The following SBNO2 variants were observed in gnomAD, a reference collection of about 807,000 sequenced individuals.
SBNO2 encodes protein strawberry notch homolog 2.
In SBNO2, 89 loss-of-function variants were observed where a neutral mutation model predicts 146.3. That is an observed-to-expected ratio of 0.61 (90% CI 0.51 to 0.73). The LOEUF is 0.73. Ranked by LOEUF, SBNO2 falls within the 30% of genes least tolerant of loss-of-function variation. SBNO2 has a pLI of 0.00. For missense variants in SBNO2, 2,092 were observed against 2,003.7 expected, an observed-to-expected ratio of 1.04 and a Z score of -0.84; for synonymous variants, 1,147 against 892.6, an observed-to-expected ratio of 1.29 and a Z score of -5.08.
intron 1 of SBNO2, among the ~76,000 whole-genome samples, chr19:1,160,948 C>G (rs1483580379): frequency 6.6e-6 from 1 of 150,890 alleles, no homozygotes; most frequent in East Asian, 2.0e-4. Flanking sequence ...GACGGCCCCT[C>G]CCAGGGTGGG....
rs1246888935 is a variant in SBNO2 at position 1,157,489 on chromosome 19, A to G, written c.-126-3087T>C. 6.7e-6 allele frequency among the ~76,000 whole-genome samples: 1 copy of G among 149,654 alleles called. No homozygotes were observed. The highest frequency in any genetic ancestry group is 2.4e-5 in the African/African-American group (1 of 40,910). On this transcript the variant is annotated intron_variant, in intron 1 of 31. Transcript: ENST00000361757. This position sits in a 1 kb window ranked among gnomAD's most constrained non-coding sequence, Gnocchi z 6.8. Reference sequence around the variant, plus strand: ...AGAGCCACGGGCCAGCCAAACGTCCAGCGGGCAGCAGAGCGTGTCCCCTGC... The same window carrying G: ...AGAGCCACGGGCCAGCCAAACGTCCGGCGGGCAGCAGAGCGTGTCCCCTGC...
At chr19:1,171,972 CTG>C (rs956117694) in intron 1 of SBNO2, among the ~76,000 whole-genome samples, 1 of 152,200 alleles carries the variant, frequency 6.6e-6, no homozygotes, top group African/African-American at 2.4e-5. Flanking sequence ...CCAAAGCAAA[CTG>C]AGAGTGAATG....
chr19:1,122,054 C>T (rs2079906467), intron 11 of SBNO2, 85 bp downstream of exon 11: 4 of 941,258 alleles, frequency 4.2e-6, no homozygotes, highest in Admixed American at 4.3e-5. Flanking sequence ...CTGACTCCCA[C>T]CCCTCCTCTC....
At chr19:1,162,126 G>A (rs2080353320) in intron 1 of SBNO2, among the ~76,000 whole-genome samples, 1 of 134,350 alleles carries the variant, frequency 7.4e-6, no homozygotes, top group Non-Finnish European at 1.6e-5. Context: ...CTAGACGGGA[G>A]CAGGGATGGG....
In SBNO2 at chr19:1,126,936, C is replaced by A. The variant is rs527417769; in HGVS notation, c.441+668G>T. On this transcript the variant is annotated intron_variant, in intron 5 of 31. Coordinates refer to ENST00000361757, the MANE Select transcript of SBNO2 (RefSeq NM_014963.3). The surrounding 1 kb of genome is among the most constrained non-coding windows in gnomAD (Gnocchi z 4.4). ...CCCGAAGAACCTGGGGGCCCTGCTG[C>A]CCTACAACCCCTGCTCTAGGCCTGG... 6.6e-6 allele frequency among the ~76,000 whole-genome samples: 1 copy of A among 152,184 alleles called. No individual in the cohort carries two copies. Among genetic ancestry groups the A allele is most frequent in the African/African-American group, 2.4e-5 (1 of 41,440 alleles).
rs1340972557 is a variant in SBNO2, at chr19:1,157,624, C to T, written c.-126-3222G>A. 6.6e-6 allele frequency among the ~76,000 whole-genome samples: 1 copy of T among 152,216 alleles called. No homozygotes were observed. Among genetic ancestry groups the T allele is most frequent in the Non-Finnish European group, 1.5e-5 (1 of 68,036 alleles). On this transcript the variant is annotated intron_variant, in intron 1 of 31. Transcript: ENST00000361757. The surrounding 1 kb of genome is among the most constrained non-coding windows in gnomAD (Gnocchi z 6.8). ...CCTTGGGAGGGGGCCCGCGCTTTAT[C>T]AGCACGCTGACACCCAGAGGGGATG...
At position 1,157,360 on chromosome 19, in the gene SBNO2, G is replaced by A. The variant is rs1181802119; in HGVS notation, c.-126-2958C>T. Among the ~76,000 whole-genome samples, 1 of 143,748 alleles carries A rather than the reference G, an allele frequency of 7.0e-6. No individual in the cohort carries two copies. Among genetic ancestry groups the A allele is most frequent in the Non-Finnish European group, 1.5e-5 (1 of 65,080 alleles). The allele number at this position is 143,748 out of a possible 152,430, so 94.3% of individuals were successfully genotyped here. ...GCCCCGGAGACGCTCTCCCCACGCG[G>A]CCCCGGAGACCCTCTGCCACGCAGC... On this transcript the variant is annotated intron_variant, in intron 1 of 31. Transcript: ENST00000361757. This position sits in a 1 kb window ranked among gnomAD's most constrained non-coding sequence, Gnocchi z 6.8.
rs2080122622 is a variant in SBNO2 at position 1,140,266 on chromosome 19, C to G, written c.279+7043G>C. On this transcript the variant is annotated intron_variant, in intron 4 of 31. Coordinates refer to ENST00000361757, the MANE Select transcript of SBNO2 (RefSeq NM_014963.3). This position sits in a 1 kb window ranked among gnomAD's most constrained non-coding sequence, Gnocchi z 4.4. ...AGTGAGCCGAGGTCACGCCACTGCA[C>G]TCCAGCCTGGGCGACAGAGCGAGAT... 6.6e-6 allele frequency among the ~76,000 whole-genome samples: 1 copy of G among 151,692 alleles called. No homozygotes were observed. The highest frequency in any genetic ancestry group is 1.5e-5 in the Non-Finnish European group (1 of 67,930).
In SBNO2 at chr19:1,174,218, T is replaced by G. The variant is rs1297069636; in HGVS notation, c.-173A>C. The stretch of plus-strand genomic sequence containing the variant: ...GCGCGGAGCCCGCGGCGCCTGTTTC[T>G]CCGAGCCTCGCAGCTGCCGCCGCTC... On this transcript the variant is annotated 5_prime_UTR_variant, in exon 1 of 32. Coordinates refer to ENST00000361757, the MANE Select transcript of SBNO2 (RefSeq NM_014963.3). 6.6e-6 allele frequency: 1 copy of G among 151,420 alleles called. No individual in the cohort carries two copies. The highest frequency in any genetic ancestry group is 2.4e-5 in the African/African-American group (1 of 41,146). 9.4% of individuals were successfully genotyped at this position (151,420 alleles called of 1,614,324 possible). A position where few individuals can be genotyped will look rare whatever the true frequency, so the allele number is the denominator to read the frequency against.
At chr19:1,147,163 C>A (rs1460329792) in intron 4 of SBNO2, 146 bp downstream of exon 4, 2 of 581,228 alleles carry the variant, frequency 3.4e-6, no homozygotes, top group Non-Finnish European at 6.0e-6. Context: ...CTCCTACTGC[C>A]CCACCGTAAA....
chr19:1,117,439 T>C lies in SBNO2; in HGVS notation c.1588A>G (p.Lys530Glu). 1.9e-6 allele frequency: 3 copies of C among 1,590,032 alleles called. No homozygotes were observed. Among genetic ancestry groups the C allele is most frequent in the Non-Finnish European group, 2.6e-6 (3 of 1,169,858 alleles). ...AADWIGLESR[K>E]SLWGQFWSAH... ...GACCAGAACTGGCCCCACAGGGACT[T>C]GCGCGACTCCAGGCCGATCCAGTCG... Residue 530 changes from lysine (K) to glutamate (E), a missense_variant, in exon 15 of 32, where the codon AAG becomes GAG. Physicochemically the swap from Lys to Glu is moderately conservative, Grantham distance 56 (BLOSUM62 1). Coordinates refer to ENST00000361757, the MANE Select transcript of SBNO2 (RefSeq NM_014963.3).
Position 1,116,826 on chromosome 19 carries a change from T to C in SBNO2, c.1802+3A>G. On this transcript the variant is annotated splice_donor_region_variant and intron_variant, in intron 16 of 31. Transcript: ENST00000361757. ...ACAGTCCTGTCCCCACCGTGACACTTACTCAGCGGCCGAGACGAAGCAGTT... is the reference window on the plus strand; with the variant it reads ...ACAGTCCTGTCCCCACCGTGACACTCACTCAGCGGCCGAGACGAAGCAGTT... 1.3e-6 allele frequency: 2 copies of C among 1,584,998 alleles called. No homozygotes were observed. Among genetic ancestry groups the C allele is most frequent in the Non-Finnish European group, 1.7e-6 (2 of 1,166,832 alleles).
chr19:1,142,969 A>C (rs778307196), intron 4 of SBNO2, among the ~76,000 whole-genome samples: 7 of 152,002 alleles, frequency 4.6e-5, no homozygotes, highest in Non-Finnish European at 7.4e-5. Flanking sequence ...GGTCTCCAGA[A>C]AAAAAAGTCA....
chr19:1,165,882 TCCCAGAC>T (rs1459579189), intron 1 of SBNO2, among the ~76,000 whole-genome samples: 4 of 16,044 alleles, frequency 2.5e-4, no homozygotes, highest in African/African-American at 8.5e-4. Context: ...AGACCCCAGA[TCCCAGAC>T]CCCAGATCTC....
In SBNO2 at chr19:1,109,854, G is replaced by C; in HGVS notation, c.3029-77C>G. ...GGGGCCAGGGTCAGTCCCGTAGCCG[G>C]GGCGCACCCTAGAGACGACCCCCCG... On this transcript the variant is annotated intron_variant, in intron 26 of 31. Transcript: ENST00000361757. The surrounding 1 kb of genome is among the most constrained non-coding windows in gnomAD (Gnocchi z 4.2). 8.8e-7 allele frequency: 1 copy of C among 1,136,326 alleles called. No homozygotes were observed. The highest frequency in any genetic ancestry group is 1.3e-6 in the Non-Finnish European group (1 of 795,226). The allele number at this position is 1,136,326 out of a possible 1,614,324, so 70.4% of individuals were successfully genotyped here. A position where few individuals can be genotyped will look rare whatever the true frequency, so the allele number is the denominator to read the frequency against.
intron 1 of SBNO2, among the ~76,000 whole-genome samples, chr19:1,155,845 T>C (rs1232660300): frequency 1.3e-5 from 2 of 152,142 alleles, no homozygotes; most frequent in Non-Finnish European, 2.9e-5. Flanking sequence ...ACCCCCTGCC[T>C]TGGGGCTCAG....
At chr19:1,171,269 C>T (rs918774125) in intron 1 of SBNO2, among the ~76,000 whole-genome samples, 1 of 152,030 alleles carries the variant, frequency 6.6e-6, no homozygotes, top group Admixed American at 6.5e-5. Flanking sequence ...ACACAGAACG[C>T]GCACACGTCC....
In SBNO2 at chr19:1,157,684, CGTT is replaced by C. The variant is rs1230054402; in HGVS notation, c.-126-3285_-126-3283del. On this transcript the variant is annotated intron_variant, in intron 1 of 31. Coordinates refer to ENST00000361757, the MANE Select transcript of SBNO2 (RefSeq NM_014963.3). This position sits in a 1 kb window ranked among gnomAD's most constrained non-coding sequence, Gnocchi z 6.8. Reference sequence around the variant, plus strand: ...TCTGAAATCAGGTCTTCAAGGGAGTCGTTGTAAAAGAGAACGATGAAGGTGCTG... The same window carrying C: ...TCTGAAATCAGGTCTTCAAGGGAGTCGTAAAAGAGAACGATGAAGGTGCTG... 6.6e-6 allele frequency among the ~76,000 whole-genome samples: 1 copy of C among 152,118 alleles called. No individual in the cohort carries two copies. Among genetic ancestry groups the C allele is most frequent in the African/African-American group, 2.4e-5 (1 of 41,408 alleles).
chr19:1,122,286 G>A lies in SBNO2; in HGVS notation c.1006-4C>T, dbSNP rs370298272. On this transcript the variant is annotated splice_region_variant and splice_polypyrimidine_tract_variant and intron_variant, in intron 10 of 31. Coordinates refer to ENST00000361757, the MANE Select transcript of SBNO2 (RefSeq NM_014963.3). ...TAGTGGTGTCACCGTACTTGATCTG[G>A]GGATGCACAGAACAGGTGTGGAATG... 75 of 1,556,694 alleles carry A rather than the reference G, an allele frequency of 4.8e-5. No homozygotes were observed. The highest frequency in any genetic ancestry group is 6.4e-5 in the Non-Finnish European group (74 of 1,149,668).
Sources: allele counts gnomAD v4.1 joint callset (sites outside exome capture counted in the v4.1 genomes callset), GRCh38; gene constraint gnomAD v4.1.1; non-coding constraint Gnocchi (gnomAD v3.1); transcripts MANE v1.5; gene names NCBI Gene and HGNC (gene_info 2026-07-23, HGNC 2026-07-21).